The following TP63 variants were observed in gnomAD, a reference collection of about 807,000 sequenced individuals.
TP63 encodes tumor protein p63, also known as tumor protein 63.
TP63 carries 17 observed loss-of-function variants against 82.8 expected under a neutral mutation model. The observed-to-expected ratio is 0.21, with a 90% CI of 0.14 to 0.31. The LOEUF (loss-of-function observed/expected upper bound fraction) is 0.31. TP63 is among the 10% of genes least tolerant of loss of function. TP63 has a pLI of 1.00. For missense variants in TP63, 648 were observed against 895.3 expected (o/e 0.72, Z 3.52); for synonymous variants, 330 against 321.7 (o/e 1.03, Z -0.28).
chr3:189,837,122 TGG>T (rs1246010647), intron 4 of TP63, among the ~76,000 whole-genome samples: 2 of 152,046 alleles, frequency 1.3e-5, no homozygotes, highest in African/African-American at 4.8e-5. Context: ...CAGGCAGAGG[TGG>T]TGTTTCGCAG....
chr3:189,597,283 A>G, the TP63 span, among the ~76,000 whole-genome samples: 10 of 152,358 alleles, frequency 6.6e-5, no homozygotes, highest in South Asian at 2.1e-4. Context: ...ATAAAAATCT[A>G]AAGGACCATG....
intron 4 of TP63, among the ~76,000 whole-genome samples, chr3:189,854,946 G>A (rs1409707184): frequency 6.6e-6 from 1 of 152,198 alleles, no homozygotes; most frequent in Non-Finnish European, 1.5e-5. Context: ...AGTAAAAAGG[G>A]ATGAAGATTA....
chr3:189,629,128 A>G (rs1022059724), upstream of TP63, among the ~76,000 whole-genome samples: 8 of 152,152 alleles, frequency 5.3e-5, no homozygotes, highest in Admixed American at 1.3e-4. Context: ...CTGTAATCCC[A>G]ACACTTTGGG....
intron 3 of TP63, among the ~76,000 whole-genome samples, chr3:189,793,999 G>T (rs140325967): frequency 6.6e-6 from 1 of 152,016 alleles, no homozygotes; most frequent in Non-Finnish European, 1.5e-5. Flanking sequence ...TGATTCAAAA[G>T]TTAAGTTTTA....
chr3:189,796,626 A>G (rs908056019), intron 3 of TP63, among the ~76,000 whole-genome samples: 4 of 152,072 alleles, frequency 2.6e-5, no homozygotes, highest in African/African-American at 7.2e-5. Flanking sequence ...TCCTACAGAC[A>G]TTAGGGGAAA....
chr3:189,683,087 T>C lies in TP63; in HGVS notation c.62+51510T>C, dbSNP rs1284327891. 3.3e-5 allele frequency among the ~76,000 whole-genome samples: 5 copies of C among 152,210 alleles called. No individual in the cohort carries two copies. The East Asian group carries it at 5.8e-4, about 18-fold the overall frequency. On this transcript the variant is annotated intron_variant, in intron 1 of 13. Coordinates refer to ENST00000264731, the MANE Select transcript of TP63 (RefSeq NM_003722.5). ...GCAGATAATTAGCCTGTCAGTTTCA[T>C]GCACCTATTAAGTGGCAAGGTTGAG...
At chr3:189,622,071 C>T in the TP63 span, among the ~76,000 whole-genome samples, 1 of 152,200 alleles carries the variant, frequency 6.6e-6, no homozygotes, top group Non-Finnish European at 1.5e-5. Context: ...CCCACAGAAG[C>T]ATTTGATCAG....
chr3:189,670,175 A>T (rs999031988), intron 1 of TP63, among the ~76,000 whole-genome samples: 5 of 152,092 alleles, frequency 3.3e-5, no homozygotes, highest in African/African-American at 1.2e-4. Flanking sequence ...TTTTAAAAAG[A>T]AGAATTGAAG....
chr3:189,705,693 A>C (rs1443478574), intron 1 of TP63, among the ~76,000 whole-genome samples: 1 of 152,122 alleles, frequency 6.6e-6, no homozygotes, highest in African/African-American at 2.4e-5. Context: ...ATTTAAAAGG[A>C]ATCTGTTGTT....
intron 1 of TP63, among the ~76,000 whole-genome samples, chr3:189,649,434 G>T (rs1712699004): frequency 6.8e-6 from 1 of 146,528 alleles, no homozygotes; most frequent in Admixed American, 6.7e-5. Context: ...AGAACGCGTG[G>T]ACACAGAAAT....
At chr3:189,841,090 A>G (rs1193564650) in intron 4 of TP63, among the ~76,000 whole-genome samples, 4 of 152,176 alleles carry the variant, frequency 2.6e-5, no homozygotes, top group Non-Finnish European at 5.9e-5. Flanking sequence ...AGCATGCAGT[A>G]TAATGATTTG....
At chr3:189,770,978 A>T (rs1194241541) in intron 3 of TP63, among the ~76,000 whole-genome samples, 1 of 152,046 alleles carries the variant, frequency 6.6e-6, no homozygotes, top group Non-Finnish European at 1.5e-5. Context: ...ATCTTTTATT[A>T]CCCTTGCTCC....
intron 10 of TP63, among the ~76,000 whole-genome samples, chr3:189,882,464 C>CTTT (rs35439891): frequency 1.4e-5 from 2 of 142,544 alleles, no homozygotes; most frequent in Non-Finnish European, 1.5e-5. Flanking sequence ...CATGTTTTCC[C>CTTT]TTTTTTTTTT....
At chr3:189,869,889 C>T (rs551314255) in intron 9 of TP63, among the ~76,000 whole-genome samples, 10 of 151,938 alleles carry the variant, frequency 6.6e-5, no homozygotes, top group African/African-American at 1.5e-4. Context: ...AGAGGGGAGA[C>T]GGTTGAGAGC....
intron 4 of TP63, among the ~76,000 whole-genome samples, chr3:189,860,202 G>A (rs1716851420): frequency 6.6e-6 from 1 of 152,014 alleles, no homozygotes; most frequent in South Asian, 2.1e-4. Context: ...ATGTTGAGGA[G>A]CAATTTAGAC....
rs1720865539 is a variant in TP63 at position 189,739,984 on chromosome 3, G to GAT, written c.324+1214_324+1215dup. 2.0e-5 allele frequency among the ~76,000 whole-genome samples: 3 copies of GAT among 152,000 alleles called. No individual in the cohort carries two copies. The South Asian group carries it at 6.2e-4, about 31-fold the overall frequency. Reference sequence around the variant, plus strand: ...TGGAATTTTTGCTATGTACTTTTTGGATATAGAATGTACTGCTTAATATTG... The same window carrying GAT: ...TGGAATTTTTGCTATGTACTTTTTGGATATATAGAATGTACTGCTTAATATTG... On this transcript the variant is annotated intron_variant, in intron 3 of 13. Transcript: ENST00000264731.
chr3:189,727,518 G>A (rs1196553214), intron 1 of TP63, among the ~76,000 whole-genome samples: 2 of 152,126 alleles, frequency 1.3e-5, no homozygotes, highest in African/African-American at 2.4e-5. Flanking sequence ...ATGACTTAAG[G>A]TACTTCCAAC....
chr3:189,752,130 G>T (rs1464926335), intron 3 of TP63, among the ~76,000 whole-genome samples: 2 of 151,952 alleles, frequency 1.3e-5, no homozygotes, highest in Non-Finnish European at 2.9e-5. Flanking sequence ...CATCAAAATT[G>T]TTGAGTTACA....
At chr3:189,807,577 A>T (rs13063521) in intron 3 of TP63, among the ~76,000 whole-genome samples, 6,922 of 152,334 alleles carry the variant, frequency 0.045, 227 homozygotes, top group Admixed American at 0.11. Flanking sequence ...AGAAAAGAAT[A>T]AATTTCTATT....
Sources: allele counts gnomAD v4.1 joint callset (sites outside exome capture counted in the v4.1 genomes callset), GRCh38; gene constraint gnomAD v4.1.1; transcripts MANE v1.5; gene names NCBI Gene and HGNC (gene_info 2026-07-23, HGNC 2026-07-21).